Variants in DMBT1 observed in about 807,000 individuals in gnomAD.
The protein encoded by DMBT1 is deleted in malignant brain tumors 1, also known as scavenger receptor cysteine-rich domain-containing protein DMBT1.
Under a neutral mutation model 252.9 loss-of-function variants are expected in DMBT1, and 198 were observed. That is an observed-to-expected ratio of 0.78 (90% CI 0.70 to 0.88). The LOEUF is 0.88. Among genes scored for constraint, DMBT1 ranks in the 40% least tolerant of loss-of-function variants. DMBT1 has a pLI of 0.00. For synonymous variants in DMBT1, 990 were observed against 942.7 expected, an observed-to-expected ratio of 1.05 and a Z score of -0.92; for missense variants, 2,432 against 2,404.7, an observed-to-expected ratio of 1.01 and a Z score of -0.24.
In DMBT1 at chr10:122,633,145, A is replaced by G. The variant is rs747169390; in HGVS notation, c.6398-46A>G. Reference sequence around the variant, plus strand: ...AAAGTAGTCCGCAGGTAGACTGTGCAGTGTGCTCTGGGGGTCACCGACATT... The same window carrying G: ...AAAGTAGTCCGCAGGTAGACTGTGCGGTGTGCTCTGGGGGTCACCGACATT... On this transcript the variant is annotated intron_variant, in intron 51 of 55. Coordinates refer to ENST00000338354, the MANE Select transcript of DMBT1 (RefSeq NM_001377530.1). 19 of 1,607,664 alleles carry G rather than the reference A, an allele frequency of 1.2e-5. No individual in the cohort carries two copies. In the African/African-American group the frequency reaches 2.3e-4, roughly 19 times the overall value.
Position 122,579,769 on chromosome 10 carries a change from C to G in DMBT1, c.871C>G (p.Gln291Glu). The change falls in exon 10 of 56, where the codon CAG becomes GAG. Residue 291 changes from glutamine (Q) to glutamate (E), a missense_variant. This residue lies in a region of DMBT1 where 1,264 missense variants were observed against 1,082.2 expected (regional missense o/e 1.17). Coordinates refer to ENST00000338354, the MANE Select transcript of DMBT1 (RefSeq NM_001377530.1). ...MSAPGNAQFG[Q>E]GSGPIVLDDV... ...AGCCCCAGGAAATGCCCAGTTTGGC[C>G]AGGGCTCAGGACCCATTGTCCTGGA... The G allele has an allele frequency of 6.2e-7, 1 of 1,613,784 alleles. No individual in the cohort carries two copies. Among genetic ancestry groups the G allele is most frequent in the Non-Finnish European group, 8.5e-7 (1 of 1,179,752 alleles).
At position 122,631,062 on chromosome 10, in the gene DMBT1, T is replaced by A; in HGVS notation, c.6127T>A (p.Ser2043Thr). The change falls in exon 49 of 56, where the codon TCC (serine) becomes ACC (threonine). Residue 2043 changes from serine to threonine, a missense_variant. Ser to Thr is a moderately conservative substitution (Grantham distance 58, BLOSUM62 1). This residue lies in a region of DMBT1 where 1,162 missense variants were observed against 1,169.0 expected (regional missense o/e 0.99). Transcript: ENST00000338354. ...GGTWGTVCDD[S>T]WTIQEAEVVC... ...CACCTGGGGGACAGTTTGTGATGAC[T>A]CCTGGACCATTCAGGAAGCTGAGGT... The A allele has an allele frequency of 6.2e-7, 1 of 1,613,988 alleles. No individual in the cohort carries two copies. The highest frequency in any genetic ancestry group is 1.1e-5 in the South Asian group (1 of 91,068).
chr10:122,631,936 C>T lies in DMBT1; in HGVS notation c.6367+61C>T, dbSNP rs182016893. The stretch of plus-strand genomic sequence containing the variant: ...CTCCAGGTCTCTCCATTACTGCTGC[C>T]TAGACTGTGCAGGGCATGTTGCTCA... On this transcript the variant is annotated intron_variant, in intron 50 of 55. Coordinates refer to ENST00000338354, the MANE Select transcript of DMBT1 (RefSeq NM_001377530.1). 2.2e-5 allele frequency: 34 copies of T among 1,564,212 alleles called. 1 individual carries two copies. In the Admixed American group the frequency reaches 2.8e-4, roughly 13 times the overall value.
chr10:122,592,180 T>G, intron 19 of DMBT1, 92 bp from the exon 20 acceptor site: 1 of 1,531,934 alleles, frequency 6.5e-7, no homozygotes, highest in Non-Finnish European at 8.8e-7. Flanking sequence ...CCAGGCGACC[T>G]TGGCCATTAG....
intron 53 of DMBT1, 26 bp from the exon 54 acceptor site, chr10:122,637,102 G>A (rs747615615): frequency 4.5e-5 from 72 of 1,607,330 alleles, no homozygotes; most frequent in Non-Finnish European, 6.0e-5. Context: ...CAGTGACTGA[G>A]TGCCTTATCT....
At chr10:122,627,796 A>G (rs746548691) in intron 46 of DMBT1, among the ~76,000 whole-genome samples, 3 of 152,216 alleles carry the variant, frequency 2.0e-5, no homozygotes, top group Non-Finnish European at 2.9e-5. Flanking sequence ...TTTCTATCTC[A>G]TAAGGGACTT....
rs1037598863 is a variant in DMBT1, at chr10:122,598,006, A to G, written c.2950A>G (p.Thr984Ala). The change falls in exon 25 of 56, where the codon ACA becomes GCA. Residue 984 changes from threonine (T) to alanine (A), a missense_variant. Coordinates refer to ENST00000338354, the MANE Select transcript of DMBT1 (RefSeq NM_001377530.1). ...TLPTITLPAS[T>A]VGSESSLALR... is the part of the protein sequence containing the mutation. ...GCCGACCATCACCTTGCCTGCATCG[A>G]CAGTAGGTAAATATTCCTCTCGCCC... 19 of 1,613,880 alleles carry G rather than the reference A, an allele frequency of 1.2e-5. No homozygotes were observed. Among genetic ancestry groups the G allele is most frequent in the South Asian group, 2.2e-5 (2 of 91,064 alleles).
intron 24 of DMBT1, 27 bp downstream of exon 24, chr10:122,597,081 A>T (rs761619795): frequency 1.3e-4 from 58 of 453,626 alleles, no homozygotes; most frequent in Middle Eastern, 1.1e-3. Flanking sequence ...CTTCCTTGGG[A>T]TGTCCCTTCT....
chr10:122,598,931 G>A lies in DMBT1; in HGVS notation c.3114G>A (p.Trp1038Ter), dbSNP rs565684525. The change falls in exon 26 of 56, where the codon TGG becomes TGA. Residue 1038 changes from tryptophan (W) to a stop codon, truncating the protein, a stop_gained. Transcript: ENST00000338354. LOFTEE classifies it high-confidence loss of function. ...TCTGCAGGCAACTGGGCTGTGGCTG[G>A]GCCATGTCAGCCCCAGGAAATGCCC... ...NVVCRQLGCG[W>*]AMSAPGNARF... 6.2e-7 allele frequency: 1 copy of A among 1,613,770 alleles called. No individual in the cohort carries two copies. The highest frequency in any genetic ancestry group is 1.3e-5 in the African/African-American group (1 of 75,008).
In DMBT1 at chr10:122,576,539, C is replaced by T; in HGVS notation, c.424C>T (p.Gln142Ter). 1 of 1,613,980 alleles carries T rather than the reference C, an allele frequency of 6.2e-7. No homozygotes were observed. Among genetic ancestry groups the T allele is most frequent in the Non-Finnish European group, 8.5e-7 (1 of 1,179,892 alleles). ...CAATGATGCCAACGTGGTCTGTAGG[C>T]AGCTGGGTTGTGGCTGGGCCATGTC... ...DTNDANVVCRQLGCGWAMSAP... is the reference protein window; with the variant it reads ...DTNDANVVCR Residue 142 changes from glutamine to a stop codon, truncating the protein, a stop_gained, in exon 7 of 56, where the codon CAG becomes TAG. Coordinates refer to ENST00000338354, the MANE Select transcript of DMBT1 (RefSeq NM_001377530.1). LOFTEE classifies it high-confidence loss of function.
intron 7 of DMBT1, 113 bp downstream of exon 7, chr10:122,576,835 C>G: frequency 1.3e-5 from 18 of 1,339,592 alleles, no homozygotes; most frequent in Non-Finnish European, 1.9e-5. Flanking sequence ...AAGACCAGCT[C>G]TAGGCAAGAT....
In DMBT1 at chr10:122,632,855, CA is replaced by C; in HGVS notation, c.6368-4del. The C allele has an allele frequency of 6.2e-7, 1 of 1,613,692 alleles. No homozygotes were observed. The highest frequency in any genetic ancestry group is 8.5e-7 in the Non-Finnish European group (1 of 1,179,800). On this transcript the variant is annotated splice_polypyrimidine_tract_variant and splice_region_variant and intron_variant, in intron 50 of 55. Coordinates refer to ENST00000338354, the MANE Select transcript of DMBT1 (RefSeq NM_001377530.1). ...ACTGATCCTGATCTTTTCTTTTTGT[CA>C]ACAGCTCCTTTTCTCAACATCACCC...
chr10:122,579,866 G>A lies in DMBT1; in HGVS notation c.968G>A (p.Cys323Tyr). ...CACAATGGCTGGCTCACCCACAACT[G>A]TGGCCATAGTGAAGACGCTGGTGTC... ...CPHNGWLTHN[C>Y]GHSEDAGVIC... is the part of the protein sequence containing the mutation. Residue 323 changes from cysteine to tyrosine, a missense_variant, in exon 10 of 56, where the codon TGT becomes TAT. Physicochemically the swap from Cys to Tyr is radical, Grantham distance 194. Coordinates refer to ENST00000338354, the MANE Select transcript of DMBT1 (RefSeq NM_001377530.1). The A allele has an allele frequency of 6.2e-7, 1 of 1,613,828 alleles. No homozygotes were observed. The highest frequency in any genetic ancestry group is 1.1e-5 in the South Asian group (1 of 91,072).
In DMBT1 at chr10:122,588,974, T is replaced by C. The variant is rs1267607242; in HGVS notation, c.1814T>C (p.Val605Ala). The C allele has an allele frequency of 1.0e-5, 16 of 1,587,920 alleles. 2 individuals are homozygous for C. The highest frequency in any genetic ancestry group is 1.4e-5 in the Non-Finnish European group (16 of 1,165,742). The change falls in exon 17 of 56, where the codon GTG (valine) becomes GCG (alanine). Residue 605 changes from valine to alanine, a missense_variant. Around this residue, in one of 3 missense-constraint regions of DMBT1, gnomAD observed 1,264 missense variants for 1,082.2 expected, o/e 1.17. Coordinates refer to ENST00000338354, the MANE Select transcript of DMBT1 (RefSeq NM_001377530.1). ...GPESSLALRL[V>A]NGGDRCQGRV... Reference sequence around the variant, plus strand: ...GAATCCAGTTTGGCCCTGAGGCTGGTGAATGGAGGTGACAGGTGTCAGGGC... The same window carrying C: ...GAATCCAGTTTGGCCCTGAGGCTGGCGAATGGAGGTGACAGGTGTCAGGGC...
Position 122,621,328 on chromosome 10 carries a change from C to T in DMBT1, c.5556C>T (p.Gly1852=), listed in dbSNP as rs2098066242. Residue 1852 remains glycine (G), a synonymous_variant, in exon 44 of 56, where the codon GGC becomes GGT. Coordinates refer to ENST00000338354, the MANE Select transcript of DMBT1 (RefSeq NM_001377530.1). ...ESYLWSCPHK[G]WLTHNCGHHE... is the part of the protein sequence containing the mutation. ...ACCTGTGGAGCTGCCCCCACAAAGG[C>T]TGGCTCACCCACAACTGTGGCCATC... The T allele has an allele frequency of 6.2e-7, 1 of 1,613,758 alleles. No homozygotes were observed. The highest frequency in any genetic ancestry group is 8.5e-7 in the Non-Finnish European group (1 of 1,179,764).
intron 1 of DMBT1, among the ~76,000 whole-genome samples, chr10:122,561,213 G>A (rs2097542865): frequency 6.6e-6 from 1 of 152,244 alleles, no homozygotes; most frequent in Admixed American, 6.5e-5. Context: ...AAAACGGGCA[G>A]AAAGGATTCC....
At chr10:122,600,519 A>G (rs1043545764) in intron 27 of DMBT1, among the ~76,000 whole-genome samples, 2 of 152,198 alleles carry the variant, frequency 1.3e-5, no homozygotes, top group South Asian at 2.1e-4. Flanking sequence ...CGAGATTATC[A>G]TGGGCCACAT....
chr10:122,627,928 G>A (rs898969923), intron 46 of DMBT1, among the ~76,000 whole-genome samples: 2 of 152,220 alleles, frequency 1.3e-5, no homozygotes, highest in African/African-American at 4.8e-5. Flanking sequence ...AGCAGAGAAG[G>A]CATTGGAAAG....
chr10:122,642,057 A>G (rs527893783), intron 55 of DMBT1, among the ~76,000 whole-genome samples: 1 of 152,288 alleles, frequency 6.6e-6, no homozygotes, highest in African/African-American at 2.4e-5. Context: ...GTTTTACGGC[A>G]AATGCAATGA....
Sources: gnomAD v4.1 joint callset for allele counts (sites outside exome capture counted in the v4.1 genomes callset) on GRCh38, gnomAD v4.1.1 for gene constraint, gnomAD v4.1.1 regional missense constraint, MANE v1.5 for transcripts, NCBI Gene and HGNC (gene_info 2026-07-23, HGNC 2026-07-21) for gene names.